NR3C1: variants seen among roughly 807,000 people sequenced by gnomAD.
The protein encoded by NR3C1 is nuclear receptor subfamily 3 group C member 1.
A neutral mutation model predicts 74.0 loss-of-function variants in NR3C1; 14 were observed. The observed-to-expected ratio is 0.19, with a 90% CI of 0.12 to 0.30. NR3C1 has a LOEUF of 0.30. Ranked by LOEUF, NR3C1 falls within the 10% of genes least tolerant of loss-of-function variation. The probability of loss-of-function intolerance (pLI) is 1.00; values close to 1 mark genes in which losing one functional copy is unlikely to be tolerated. For missense variants in NR3C1, 695 were observed against 909.8 expected (o/e 0.76, Z 3.04); for synonymous variants, 308 against 332.5 (o/e 0.93, Z 0.80).
At chr5:143,295,143 T>C in intron 7 of NR3C1, 1 of 985,266 alleles carries the variant, frequency 1.0e-6, no homozygotes, top group East Asian at 1.1e-4. Flanking sequence ...TCACTGTAGT[T>C]AGCTTTCTTT....
chr5:143,343,303 C>A (rs1054988049), intron 2 of NR3C1, among the ~76,000 whole-genome samples: 6 of 152,160 alleles, frequency 3.9e-5, no homozygotes, highest in Non-Finnish European at 8.8e-5. Context: ...GTTTCGGCTC[C>A]CTCTTTGGTA....
chr5:143,339,794 T>G (rs1827851026), intron 2 of NR3C1, among the ~76,000 whole-genome samples: 1 of 152,162 alleles, frequency 6.6e-6, no homozygotes, highest in South Asian at 2.1e-4. Flanking sequence ...AAAAGGAAGT[T>G]TAAGTGAGCC....
intron 1 of NR3C1, among the ~76,000 whole-genome samples, chr5:143,426,649 C>T (rs1248342858): frequency 1.3e-5 from 2 of 152,198 alleles, no homozygotes; most frequent in Non-Finnish European, 2.9e-5. Context: ...TTTAAACTCC[C>T]ACATGATAAT....
At chr5:143,350,915 A>C (rs569370572) in intron 2 of NR3C1, among the ~76,000 whole-genome samples, 1 of 152,200 alleles carries the variant, frequency 6.6e-6, no homozygotes, top group African/African-American at 2.4e-5. Flanking sequence ...GAAAGTGCCC[A>C]CTGAATTTAA....
At chr5:143,356,031 A>G (rs1831066725) in intron 2 of NR3C1, among the ~76,000 whole-genome samples, 1 of 152,190 alleles carries the variant, frequency 6.6e-6, no homozygotes, top group South Asian at 2.1e-4. Flanking sequence ...AGATCAACAG[A>G]GAAAGAGGAA....
chr5:143,413,773 A>G (rs887324652), intron 1 of NR3C1, among the ~76,000 whole-genome samples: 4 of 152,210 alleles, frequency 2.6e-5, no homozygotes, highest in African/African-American at 9.6e-5. Context: ...AGGAATGTGT[A>G]CTATGATGGG....
chr5:143,292,656 AC>A (rs1816198156), intron 7 of NR3C1, among the ~76,000 whole-genome samples: 1 of 152,042 alleles, frequency 6.6e-6, no homozygotes, highest in Non-Finnish European at 1.5e-5. Context: ...ATTGCAGGAA[AC>A]CCCCACTAAG....
chr5:143,306,254 G>A (rs962980439), intron 4 of NR3C1, among the ~76,000 whole-genome samples: 2 of 152,136 alleles, frequency 1.3e-5, no homozygotes, highest in African/African-American at 4.8e-5. Context: ...GGAGTCCTAA[G>A]TTACATTTAT....
intron 2 of NR3C1, among the ~76,000 whole-genome samples, chr5:143,388,175 C>A (rs9324921): frequency 0.1 from 15,181 of 152,150 alleles, 1,105 homozygotes; most frequent in East Asian, 0.26. Flanking sequence ...TTATGAAAAG[C>A]AATCCATTTC....
At chr5:143,318,173 G>T (rs559634076) in intron 2 of NR3C1, among the ~76,000 whole-genome samples, 88 of 152,190 alleles carry the variant, frequency 5.8e-4, no homozygotes, top group Non-Finnish European at 5.9e-4. Flanking sequence ...CCTTTCTGGA[G>T]GATCTTAGGG....
At chr5:143,398,750 A>G (rs1839714959) in intron 2 of NR3C1, among the ~76,000 whole-genome samples, 2 of 152,136 alleles carry the variant, frequency 1.3e-5, no homozygotes, top group Admixed American at 1.3e-4. Context: ...CGGGGTAGAG[A>G]AATTCACCCC....
rs1050404100 is a variant in NR3C1, at chr5:143,423,337, C to T, written c.-14+11195G>A. 5.9e-5 allele frequency among the ~76,000 whole-genome samples: 9 copies of T among 152,224 alleles called. 1 individual carries two copies. In the South Asian group the frequency reaches 6.2e-4, roughly 11 times the overall value. Reference sequence around the variant, plus strand: ...TCAAAAGATCTGAATAGATGACATACGAATGGCCAAAAATACTCAACATCC... The same window carrying T: ...TCAAAAGATCTGAATAGATGACATATGAATGGCCAAAAATACTCAACATCC... On this transcript the variant is annotated intron_variant, in intron 1 of 8. Coordinates refer to the NR3C1 transcript ENST00000343796.
intron 2 of NR3C1, among the ~76,000 whole-genome samples, chr5:143,344,014 TA>T (rs1055812497): frequency 6.6e-6 from 1 of 152,222 alleles, no homozygotes; most frequent in Non-Finnish European, 1.5e-5. Context: ...CACTGTCAGC[TA>T]TTTTTTTTTC....
intron 2 of NR3C1, among the ~76,000 whole-genome samples, chr5:143,330,791 A>T (rs1825788676): frequency 6.6e-6 from 1 of 152,238 alleles, no homozygotes; most frequent in African/African-American, 2.4e-5. Flanking sequence ...CATCCCTGAA[A>T]AAACTTCACA....
At chr5:143,316,201 G>A (rs1474379319) in intron 2 of NR3C1, among the ~76,000 whole-genome samples, 1 of 152,164 alleles carries the variant, frequency 6.6e-6, no homozygotes, top group African/African-American at 2.4e-5. Context: ...AGAGAAGTAG[G>A]AAGGTCCTGG....
chr5:143,410,207 C>A (rs1286521827), intron 1 of NR3C1, among the ~76,000 whole-genome samples: 2 of 152,136 alleles, frequency 1.3e-5, no homozygotes, highest in Admixed American at 6.5e-5. Flanking sequence ...TTTTCTCTCC[C>A]ATGTTCCTTT....
intron 1 of NR3C1, among the ~76,000 whole-genome samples, chr5:143,401,919 G>C (rs191243552): frequency 6.6e-6 from 1 of 152,216 alleles, no homozygotes; most frequent in Non-Finnish European, 1.5e-5. Context: ...AAGAGAGTAA[G>C]ACTGTTAGTA....
chr5:143,404,026 C>T (rs1840857510), upstream of NR3C1: 1 of 985,556 alleles, frequency 1.0e-6, no homozygotes, highest in Non-Finnish European at 1.2e-6. Context: ...CACCGAGTTT[C>T]TCCAGTTTCT....
chr5:143,413,425 T>C (rs6865292), intron 1 of NR3C1, among the ~76,000 whole-genome samples: 30,292 of 152,054 alleles, frequency 0.2, 3,615 homozygotes, highest in Non-Finnish European at 0.27. Context: ...ACCCCACTGT[T>C]AAAAACAGAG....
Sources: allele counts gnomAD v4.1 joint callset (sites outside exome capture counted in the v4.1 genomes callset), GRCh38; gene constraint gnomAD v4.1.1; transcripts MANE v1.5; gene names NCBI Gene and HGNC (gene_info 2026-07-23, HGNC 2026-07-21).